Variants in TMEM39A observed in about 807,000 individuals in gnomAD.
TMEM39A encodes the protein suppressor of SQST-1 aggregates in rpl-43 mutants.
In TMEM39A, 19 loss-of-function variants were observed where a neutral mutation model predicts 51.9. The ratio of observed to expected loss-of-function variants is 0.37; its 90% CI spans 0.26 to 0.54. TMEM39A has a LOEUF of 0.54. Ranked by LOEUF, TMEM39A falls within the 20% of genes least tolerant of loss-of-function variation. TMEM39A has a pLI of 0.88. For synonymous variants in TMEM39A, 197 were observed against 220.2 expected (o/e 0.89, Z 0.93); for missense variants, 433 against 590.5 (o/e 0.73, Z 2.76).
At position 119,447,049 on chromosome 3, in the gene TMEM39A, A is replaced by C; in HGVS notation, c.544T>G (p.Ser182Ala). ...CCAAGGAAAAGGAGATTGAGGACTG[A>C]ATGGCTTCGAAAGAGATTGACGAGG... ...WTLVNLFRSH[S>A]VLNLLFLGYP... Residue 182 changes from serine (S) to alanine (A), a missense_variant, in exon 5 of 9, where the codon TCA (serine) becomes GCA (alanine). Physicochemically the swap from Ser to Ala is moderately conservative, Grantham distance 99 (BLOSUM62 1). Around this residue, in one of 3 missense-constraint regions of TMEM39A, gnomAD observed 170 missense variants for 239.8 expected, o/e 0.71. Transcript: ENST00000319172. 2 of 1,614,212 alleles carry C rather than the reference A, an allele frequency of 1.2e-6. No homozygotes were observed. Among genetic ancestry groups the C allele is most frequent in the Non-Finnish European group, 1.7e-6 (2 of 1,180,016 alleles).
In TMEM39A at chr3:119,461,989, C is replaced by A. The variant is rs1165343485; in HGVS notation, c.86G>T (p.Cys29Phe). The A allele has an allele frequency of 6.2e-7, 1 of 1,614,082 alleles. No homozygotes were observed. Reference sequence around the variant, plus strand: ...GTTTCTCAAGCCTGTTCCATTGCCACAGCCTCCACCAACCAAAGTCTGCAA... The same window carrying A: ...GTTTCTCAAGCCTGTTCCATTGCCAAAGCCTCCACCAACCAAAGTCTGCAA... Reference protein sequence around the residue: ...PSLQTLVGGGCGNGTGLRNRN... With the variant: ...PSLQTLVGGGFGNGTGLRNRN... Residue 29 changes from cysteine to phenylalanine, a missense_variant, in exon 2 of 9, where the codon TGT (cysteine) becomes TTT (phenylalanine). By Grantham distance (205) the Cys-to-Phe change is radical (BLOSUM62 -2). This residue lies in a region of TMEM39A where 170 missense variants were observed against 239.8 expected (regional missense o/e 0.71). Transcript: ENST00000319172.
At chr3:119,462,633 A>AAGG in intron 1 of TMEM39A, among the ~76,000 whole-genome samples, 1 of 2,258 alleles carries the variant, frequency 4.4e-4, no homozygotes, top group Non-Finnish European at 7.1e-4. Context: ...TGTTTCTTCA[A>AAGG]GGGGGGGGGG....
chr3:119,462,065 C>T lies in TMEM39A; in HGVS notation c.10G>A (p.Gly4Arg). Residue 4 changes from glycine (G) to arginine (R), a missense_variant, in exon 2 of 9, where the codon GGA becomes AGA. Around this residue, in one of 3 missense-constraint regions of TMEM39A, gnomAD observed 170 missense variants for 239.8 expected, o/e 0.71. Transcript: ENST00000319172. MPGGRRGPSRQQLS... is the reference protein window; with the variant it reads MPGRRRGPSRQQLS... Reference sequence around the variant, plus strand: ...TGTTGCCGACTAGGGCCCCTCCTTCCACCGGGCATGTCCAGGAACCAGTCT... The same window carrying T: ...TGTTGCCGACTAGGGCCCCTCCTTCTACCGGGCATGTCCAGGAACCAGTCT... 1 of 1,614,046 alleles carries T rather than the reference C, an allele frequency of 6.2e-7. No individual in the cohort carries two copies. Among genetic ancestry groups the T allele is most frequent in the Non-Finnish European group, 8.5e-7 (1 of 1,179,970 alleles).
chr3:119,459,759 A>T (rs2081314322), intron 2 of TMEM39A, among the ~76,000 whole-genome samples: 1 of 152,204 alleles, frequency 6.6e-6, no homozygotes, highest in Non-Finnish European at 1.5e-5. Flanking sequence ...CCTACCAAAC[A>T]GGGACAAATT....
intron 7 of TMEM39A, 41 bp downstream of exon 7, chr3:119,436,750 T>G (rs776255806): frequency 1.3e-6 from 2 of 1,547,350 alleles, no homozygotes; most frequent in Non-Finnish European, 1.8e-6. Context: ...ATCAGCAGCA[T>G]GTAGAAAGTG....
At chr3:119,441,870 C>G (rs1335550662) in intron 5 of TMEM39A, among the ~76,000 whole-genome samples, 1 of 152,216 alleles carries the variant, frequency 6.6e-6, no homozygotes, top group Non-Finnish European at 1.5e-5. Flanking sequence ...TAAGTGGAAG[C>G]CAATGCTTAT....
At chr3:119,438,655 G>A (rs2081008822) in intron 5 of TMEM39A, among the ~76,000 whole-genome samples, 1 of 152,104 alleles carries the variant, frequency 6.6e-6, no homozygotes, top group African/African-American at 2.4e-5. Flanking sequence ...TTGGAAACAG[G>A]CTGTTTCTTA....
intron 4 of TMEM39A, among the ~76,000 whole-genome samples, chr3:119,449,682 T>A (rs184297656): frequency 6.6e-6 from 1 of 152,232 alleles, no homozygotes. Flanking sequence ...TTTTTAAATG[T>A]CCTGCTTTAT....
At chr3:119,456,378 G>C (rs2081264216) in intron 3 of TMEM39A, among the ~76,000 whole-genome samples, 1 of 152,158 alleles carries the variant, frequency 6.6e-6, no homozygotes, top group Non-Finnish European at 1.5e-5. Context: ...ATATTAAGTA[G>C]ACAGGAGGTC....
At chr3:119,448,536 C>T (rs1005260317) in intron 4 of TMEM39A, among the ~76,000 whole-genome samples, 1 of 152,008 alleles carries the variant, frequency 6.6e-6, no homozygotes, top group East Asian at 1.9e-4. Context: ...AGCATATATA[C>T]GTAATATATA....
chr3:119,451,890 C>T (rs994504347), intron 4 of TMEM39A, among the ~76,000 whole-genome samples: 2 of 137,608 alleles, frequency 1.5e-5, no homozygotes, highest in South Asian at 2.4e-4. Context: ...GCTCTGTCAA[C>T]AATTTTTAAT....
At chr3:119,451,151 C>A in intron 4 of TMEM39A, 1 of 849,300 alleles carries the variant, frequency 1.2e-6, no homozygotes, top group Admixed American at 5.4e-5. Flanking sequence ...AATAAAAACT[C>A]TGAAAGAAAA....
intron 3 of TMEM39A, among the ~76,000 whole-genome samples, chr3:119,456,036 A>G (rs962424151): frequency 6.6e-6 from 1 of 152,382 alleles, no homozygotes; most frequent in African/African-American, 2.4e-5. Context: ...ATTCATATAT[A>G]AAATGGGAGT....
At chr3:119,452,407 T>A (rs767205514) in intron 4 of TMEM39A, 40 bp downstream of exon 4, 34 of 1,514,928 alleles carry the variant, frequency 2.2e-5, no homozygotes, top group Non-Finnish European at 2.6e-5. Context: ...AGTAACTAAC[T>A]CTAGCTACAT....
At chr3:119,445,898 T>C (rs956574270) in intron 5 of TMEM39A, among the ~76,000 whole-genome samples, 5 of 152,166 alleles carry the variant, frequency 3.3e-5, no homozygotes, top group Non-Finnish European at 7.3e-5. Flanking sequence ...ATAATATATA[T>C]ACATGTCTAC....
At chr3:119,442,001 T>C (rs895375457) in intron 5 of TMEM39A, among the ~76,000 whole-genome samples, 1 of 152,242 alleles carries the variant, frequency 6.6e-6, no homozygotes, top group East Asian at 1.9e-4. Flanking sequence ...GTTTACTGAA[T>C]AAGCTCACTG....
chr3:119,453,056 TA>T (rs1391491706), intron 3 of TMEM39A, among the ~76,000 whole-genome samples: 6 of 152,190 alleles, frequency 3.9e-5, no homozygotes, highest in African/African-American at 1.4e-4. Flanking sequence ...TGGTCTCTTC[TA>T]AAAAATAATA....
chr3:119,435,556 G>A lies in TMEM39A; in HGVS notation c.1113-674C>T, dbSNP rs147888738. On this transcript the variant is annotated intron_variant, in intron 7 of 8. Transcript: ENST00000319172. ...CATAATGGAGTTTGGGTGGGGACAG[G>A]GATCTTCAGGTTAAGCTTTTTAAAA... The A allele has an allele frequency of 2.3e-4, 224 of 983,674 alleles. 2 individuals carry two copies. In the African/African-American group the frequency reaches 3.8e-3, roughly 17 times the overall value. 60.9% of individuals were successfully genotyped at this position (983,674 alleles called of 1,614,324 possible).
intron 7 of TMEM39A, chr3:119,436,049 T>A: frequency 1.5e-6 from 1 of 687,230 alleles, no homozygotes; most frequent in Non-Finnish European, 2.2e-6. Flanking sequence ...AGATGAAATT[T>A]GTGAAATGTT....
Sources: gnomAD v4.1 joint callset for allele counts (sites outside exome capture counted in the v4.1 genomes callset) on GRCh38, gnomAD v4.1.1 for gene constraint, gnomAD v4.1.1 regional missense constraint, MANE v1.5 for transcripts, NCBI Gene and HGNC (gene_info 2026-07-23, HGNC 2026-07-21) for gene names.